Variants in FAM76A observed in about 807,000 individuals in gnomAD.
FAM76A encodes the protein family with sequence similarity 76 member A.
Under a neutral mutation model 46.2 loss-of-function variants are expected in FAM76A, and 32 were observed. The ratio of observed to expected loss-of-function variants is 0.69; its 90% CI spans 0.52 to 0.93. The LOEUF (loss-of-function observed/expected upper bound fraction) is 0.93. Among genes scored for constraint, FAM76A ranks in the 40% least tolerant of loss-of-function variants. FAM76A has a pLI of 0.00. For missense variants in FAM76A, 274 were observed against 361.5 expected (o/e 0.76, Z 1.96); for synonymous variants, 137 against 127.0 (o/e 1.08, Z -0.53).
rs2087880160 is a variant in FAM76A at position 27,727,478 on chromosome 1, C to T, written c.88C>T (p.Arg30Trp). The change falls in exon 2 of 9, where the codon CGG becomes TGG. Residue 30 changes from arginine (R) to tryptophan (W), a missense_variant. Coordinates refer to ENST00000373954, the MANE Select transcript of FAM76A (RefSeq NM_152660.3). ...TATCCTCATTTCATTTCAGGAATGT[C>T]GGATTGCACACCCTGTTGTGAAGTG... ...SQGQQLCKEC[R>W]IAHPVVKCTY... The T allele has an allele frequency of 6.2e-7, 1 of 1,613,428 alleles. No individual in the cohort carries two copies. The highest frequency in any genetic ancestry group is 8.5e-7 in the Non-Finnish European group (1 of 1,179,488).
Position 27,762,460 on chromosome 1 carries a change from C to G in FAM76A, c.*1879C>G, listed in dbSNP as rs779690643. ...TACTAAATTTAACTTCTAGGCGTTT[C>G]CTGGAAGCAGATGCTCTATAATTTG... On this transcript the variant is annotated 3_prime_UTR_variant, in exon 9 of 9. Coordinates refer to ENST00000373954, the MANE Select transcript of FAM76A (RefSeq NM_152660.3). 2 of 152,118 alleles carry G rather than the reference C, an allele frequency of 1.3e-5. No homozygotes were observed. The highest frequency in any genetic ancestry group is 2.9e-5 in the Non-Finnish European group (2 of 68,018). The allele number at this position is 152,118 out of a possible 1,614,324, so 9.4% of individuals were successfully genotyped here.
intron 7 of FAM76A, 36 bp from the exon 8 acceptor site, chr1:27,759,490 A>G: frequency 6.7e-7 from 1 of 1,488,738 alleles, no homozygotes; most frequent in Non-Finnish European, 9.2e-7. Context: ...TATTGCACAG[A>G]AATTTCTTCT....
chr1:27,727,793 T>G (rs1359061676), intron 2 of FAM76A, among the ~76,000 whole-genome samples: 1 of 145,720 alleles, frequency 6.9e-6, no homozygotes, highest in African/African-American at 2.5e-5. Context: ...ATCCATTGAT[T>G]GCTTAAATTT....
At chr1:27,734,469 C>A (rs976562778) in intron 4 of FAM76A, among the ~76,000 whole-genome samples, 15 of 152,120 alleles carry the variant, frequency 9.9e-5, no homozygotes, top group African/African-American at 7.2e-5. Context: ...ATCACTTGAA[C>A]CCGGGAGGCA....
In FAM76A at chr1:27,734,192, CTG is replaced by C; in HGVS notation, c.354+11_354+12del. The C allele has an allele frequency of 6.4e-7, 1 of 1,563,536 alleles. No individual in the cohort carries two copies. Among genetic ancestry groups the C allele is most frequent in the South Asian group, 1.2e-5 (1 of 83,662 alleles). On this transcript the variant is annotated intron_variant, in intron 4 of 8. Transcript: ENST00000373954. Reference sequence around the variant, plus strand: ...AAGATGATAGAAAGAAGGTAAATCTCTGTTTTTCTTGATTTCTTTTTTTCCTT... The same window carrying C: ...AAGATGATAGAAAGAAGGTAAATCTCTTTTTCTTGATTTCTTTTTTTCCTT...
chr1:27,733,451 T>G (rs928986694), intron 3 of FAM76A, among the ~76,000 whole-genome samples: 3 of 152,248 alleles, frequency 2.0e-5, no homozygotes, highest in Admixed American at 2.0e-4. Context: ...GCATGTCTCA[T>G]AGAAGTCTCT....
intron 7 of FAM76A, 26 bp from the exon 8 acceptor site, chr1:27,759,499 CT>C (rs1343212357): frequency 4.0e-6 from 6 of 1,517,374 alleles, no homozygotes; most frequent in Non-Finnish European, 5.4e-6. Context: ...GAAATTTCTT[CT>C]GGTTATTCTG....
At chr1:27,730,401 G>T (rs1405190439) in intron 2 of FAM76A, 1 of 152,180 alleles carries the variant, frequency 6.6e-6, no homozygotes, top group Non-Finnish European at 1.5e-5. Context: ...AATCAGGCTG[G>T]TCTCAAACTC....
rs555032335 is a variant in FAM76A at position 27,757,820 on chromosome 1, C to CA, written c.736-1699dup. ...TGAAACCCTGTCTCTACTAAAAATA[C>CA]AAAAAAATTAGCTGGGCGTGGTGGT... is the stretch of plus-strand genomic sequence containing the variant. On this transcript the variant is annotated intron_variant, in intron 7 of 8. Transcript: ENST00000373954. Among the ~76,000 whole-genome samples the CA allele has an allele frequency of 4.6e-5, 7 of 152,034 alleles. No homozygotes were observed. The East Asian group carries it at 9.8e-4, about 21-fold the overall frequency.
chr1:27,726,471 G>T (rs2087862394), intron 1 of FAM76A, among the ~76,000 whole-genome samples: 1 of 152,224 alleles, frequency 6.6e-6, no homozygotes. Flanking sequence ...ATCCCTTTGC[G>T]CTGCCTCCCC....
At chr1:27,744,010 G>T (rs1464537537) in intron 4 of FAM76A, among the ~76,000 whole-genome samples, 2 of 152,014 alleles carry the variant, frequency 1.3e-5, no homozygotes, top group Non-Finnish European at 2.9e-5. Context: ...TCTCCCTGCT[G>T]AGTTTTCCTT....
rs140057912 is a variant in FAM76A at position 27,744,858 on chromosome 1, G to C, written c.512+47G>C. 36 of 1,571,762 alleles carry C rather than the reference G, an allele frequency of 2.3e-5. 1 individual carries two copies. In the Middle Eastern group the frequency reaches 8.5e-4, roughly 37 times the overall value. ...TGGGACTAGAAGTGCTGGTAGGTCA[G>C]ATGTAATGCTCACATAACCATCATG... On this transcript the variant is annotated intron_variant, in intron 5 of 8. Coordinates refer to ENST00000373954, the MANE Select transcript of FAM76A (RefSeq NM_152660.3).
chr1:27,757,152 T>C (rs1422756851), intron 7 of FAM76A, among the ~76,000 whole-genome samples: 1 of 151,812 alleles, frequency 6.6e-6, no homozygotes, highest in African/African-American at 2.4e-5. Context: ...TGCCTAGCTC[T>C]GTTTTAAGTG....
At chr1:27,759,338 G>A (rs1283763470) in intron 7 of FAM76A, among the ~76,000 whole-genome samples, 188 bp from the exon 8 acceptor site, 2 of 152,150 alleles carry the variant, frequency 1.3e-5, no homozygotes, top group Non-Finnish European at 2.9e-5. Context: ...GTTAGTTCAG[G>A]ACTTTGTGTA....
intron 6 of FAM76A, among the ~76,000 whole-genome samples, chr1:27,754,250 G>T (rs2088376053): frequency 6.6e-6 from 1 of 151,948 alleles, no homozygotes; most frequent in Admixed American, 6.6e-5. Context: ...GGGATTACAG[G>T]CATGCACCAC....
chr1:27,740,349 G>A (rs1379373083), intron 4 of FAM76A: 2 of 1,044,584 alleles, frequency 1.9e-6, no homozygotes, highest in East Asian at 2.5e-5. Flanking sequence ...TAATCAAATA[G>A]ATACGGCCTT....
At position 27,741,193 on chromosome 1, in the gene FAM76A, AT is replaced by A. The variant is rs767134759; in HGVS notation, c.355-3439del. ...TACCCAGTTTTTATTGGGAGATTTG[AT>A]TTTTTTTTTTTTTTTTTTTTTGAGG... On this transcript the variant is annotated intron_variant, in intron 4 of 8. Coordinates refer to ENST00000373954, the MANE Select transcript of FAM76A (RefSeq NM_152660.3). Among the ~76,000 whole-genome samples, 696 of 116,484 alleles carry A rather than the reference AT, an allele frequency of 6.0e-3. 2 individuals carry two copies. Among genetic ancestry groups the A allele is most frequent in the Middle Eastern group, 9.3e-3 (2 of 216 alleles). 76.4% of individuals were successfully genotyped at this position (116,484 alleles called of 152,430 possible).
At chr1:27,756,713 C>T (rs1376421571) in intron 7 of FAM76A, among the ~76,000 whole-genome samples, 1 of 152,026 alleles carries the variant, frequency 6.6e-6, no homozygotes, top group Non-Finnish European at 1.5e-5. Context: ...TCCATTTTTA[C>T]ATTCTTACTC....
Position 27,727,510 on chromosome 1 carries a change from C to T in FAM76A, c.120C>T (p.Tyr40=). The T allele has an allele frequency of 6.2e-7, 1 of 1,613,798 alleles. No individual in the cohort carries two copies. The highest frequency in any genetic ancestry group is 8.5e-7 in the Non-Finnish European group (1 of 1,179,728). Residue 40 remains tyrosine (Y), a synonymous_variant, in exon 2 of 9, where the codon TAC becomes TAT. Coordinates refer to ENST00000373954, the MANE Select transcript of FAM76A (RefSeq NM_152660.3). The part of the protein sequence containing the change: ...RIAHPVVKCT[Y]CRTEYQQESK... ...CACACCCTGTTGTGAAGTGCACCTA[C>T]TGCAGGACTGAGTACCAGCAGGAGA...
Sources: allele counts gnomAD v4.1 joint callset (sites outside exome capture counted in the v4.1 genomes callset), GRCh38; gene constraint gnomAD v4.1.1; transcripts MANE v1.5; gene names NCBI Gene and HGNC (gene_info 2026-07-23, HGNC 2026-07-21).